The following GRIK3 variants were observed in gnomAD, a reference collection of about 807,000 sequenced individuals.
GRIK3 encodes glutamate ionotropic receptor kainate type subunit 3, also known as glutamate receptor ionotropic, kainate 3.
GRIK3 carries 29 observed loss-of-function variants against 102.5 expected under a neutral mutation model. That is an observed-to-expected ratio of 0.28 (90% CI 0.21 to 0.39). The LOEUF is 0.39. GRIK3 is among the 10% of genes least tolerant of loss of function. The pLI is 1.00. For synonymous variants in GRIK3, 511 were observed against 504.9 expected (o/e 1.01, Z -0.16); for missense variants, 908 against 1,252.4 (o/e 0.73, Z 4.15).
At chr1:37,006,206 C>G (rs1642531433) in intron 1 of GRIK3, among the ~76,000 whole-genome samples, 1 of 152,182 alleles carries the variant, frequency 6.6e-6, no homozygotes. Flanking sequence ...TTTTCAGAGC[C>G]ATGTATGAAT....
intron 1 of GRIK3, among the ~76,000 whole-genome samples, chr1:37,025,918 C>T (rs562308329): frequency 6.6e-5 from 10 of 152,320 alleles, no homozygotes; most frequent in African/African-American, 2.2e-4. Context: ...GATCTCACTC[C>T]ATTTCATCAT....
chr1:37,015,142 G>T (rs1642640976), intron 1 of GRIK3, among the ~76,000 whole-genome samples: 1 of 152,136 alleles, frequency 6.6e-6, no homozygotes, highest in Non-Finnish European at 1.5e-5. Context: ...TCTGGTTGGT[G>T]CAATGGGGAA....
At chr1:36,996,690 C>T (rs1642422763) in intron 1 of GRIK3, among the ~76,000 whole-genome samples, 1 of 152,234 alleles carries the variant, frequency 6.6e-6, no homozygotes, top group Non-Finnish European at 1.5e-5. Flanking sequence ...GCGCTTTCCT[C>T]ATTCCTGGTG....
intron 1 of GRIK3, among the ~76,000 whole-genome samples, chr1:37,007,941 G>A (rs572170295): frequency 6.6e-6 from 1 of 152,328 alleles, no homozygotes; most frequent in African/African-American, 2.4e-5. Flanking sequence ...CCTGTGCTGA[G>A]GGCTCGAGTG....
chr1:36,884,461 C>T (rs948364133), intron 2 of GRIK3, among the ~76,000 whole-genome samples: 8 of 152,156 alleles, frequency 5.3e-5, no homozygotes, highest in African/African-American at 1.9e-4. Context: ...CCCCGACAAC[C>T]TTGTCCCCTT....
intron 1 of GRIK3, among the ~76,000 whole-genome samples, chr1:36,902,389 A>G (rs947606799): frequency 6.6e-6 from 1 of 152,244 alleles, no homozygotes; most frequent in East Asian, 1.9e-4. Flanking sequence ...AGACAAATAG[A>G]TCATTGGAAC....
At chr1:36,812,972 G>A (rs558224623) in intron 13 of GRIK3, among the ~76,000 whole-genome samples, 6 of 152,298 alleles carry the variant, frequency 3.9e-5, no homozygotes, top group East Asian at 1.9e-4. Flanking sequence ...CACTCAACAC[G>A]TATTATTAGA....
In GRIK3 at chr1:36,872,156, G is replaced by C; in HGVS notation, c.732+32C>G. On this transcript the variant is annotated intron_variant, in intron 4 of 15. Coordinates refer to ENST00000373091, the MANE Select transcript of GRIK3 (RefSeq NM_000831.4). This position sits in a 1 kb window ranked among gnomAD's most constrained non-coding sequence, Gnocchi z 5.9. The stretch of plus-strand genomic sequence containing the variant: ...TGGGAGAAGTGGCCAGCAGACCCCA[G>C]TCATCTGTCCCGGTGGCCAGCACTC... The C allele has an allele frequency of 6.5e-7, 1 of 1,528,552 alleles. No homozygotes were observed. The highest frequency in any genetic ancestry group is 1.4e-5 in the African/African-American group (1 of 72,310). 94.7% of individuals were successfully genotyped at this position (1,528,552 alleles called of 1,614,324 possible). A position where few individuals can be genotyped will look rare whatever the true frequency, so the allele number is the denominator to read the frequency against.
At chr1:36,827,310 C>T (rs1642765928) in intron 10 of GRIK3, among the ~76,000 whole-genome samples, 1 of 152,130 alleles carries the variant, frequency 6.6e-6, no homozygotes, top group Non-Finnish European at 1.5e-5. Context: ...AGAGGCTGCC[C>T]CTGGGGCTTC....
chr1:36,983,185 A>G (rs1410348791), intron 1 of GRIK3, among the ~76,000 whole-genome samples: 1 of 152,112 alleles, frequency 6.6e-6, no homozygotes, highest in Non-Finnish European at 1.5e-5. Context: ...TGCCTGTGCT[A>G]CTGGAATCTC....
Position 36,869,801 on chromosome 1 carries a change from C to A in GRIK3, c.733G>T (p.Ala245Ser). ...TCAGTCATCATGCCCATGGCCATGG[C>A]CTGCAGAAAAGCAGAGTGTTAGTGA... ...HTMAAQILKQ[A>S]MAMGMMTEYY... is the part of the protein sequence containing the mutation. The change falls in exon 5 of 16, where the codon GCC (alanine) becomes TCC (serine). Residue 245 changes from alanine to serine, a missense_variant and splice_region_variant. By Grantham distance (99) the Ala-to-Ser change is moderately conservative. Around this residue, in one of 3 missense-constraint regions of GRIK3, gnomAD observed 585 missense variants for 824.9 expected, o/e 0.71. Transcript: ENST00000373091. 1 of 1,611,562 alleles carries A rather than the reference C, an allele frequency of 6.2e-7. No individual in the cohort carries two copies. Among genetic ancestry groups the A allele is most frequent in the Non-Finnish European group, 8.5e-7 (1 of 1,177,670 alleles).
intron 5 of GRIK3, among the ~76,000 whole-genome samples, chr1:36,864,154 C>CA (rs1300199597): frequency 6.6e-6 from 1 of 152,106 alleles, no homozygotes; most frequent in African/African-American, 2.4e-5. Context: ...TGACATGTAG[C>CA]AGGGGCTCAG....
intron 5 of GRIK3, among the ~76,000 whole-genome samples, chr1:36,862,352 C>T (rs1389996536): frequency 2.0e-5 from 3 of 152,034 alleles, no homozygotes; most frequent in South Asian, 2.1e-4. Flanking sequence ...ACTGATGCAT[C>T]GTTGATTGTC....
chr1:36,941,919 C>T (rs969285688), intron 1 of GRIK3, among the ~76,000 whole-genome samples: 4 of 152,146 alleles, frequency 2.6e-5, no homozygotes, highest in Non-Finnish European at 4.4e-5. Flanking sequence ...GTAGCCTATC[C>T]CCCCCTCACC....
chr1:36,933,217 A>G (rs1395738138), intron 1 of GRIK3, among the ~76,000 whole-genome samples: 1 of 152,112 alleles, frequency 6.6e-6, no homozygotes, highest in African/African-American at 2.4e-5. Flanking sequence ...CAGAGCCTTG[A>G]TTCTGTGCCC....
At chr1:36,929,478 T>G (rs2124312165) in intron 1 of GRIK3, among the ~76,000 whole-genome samples, 1 of 152,324 alleles carries the variant, frequency 6.6e-6, no homozygotes, top group African/African-American at 2.4e-5. Flanking sequence ...AGAACAGTAA[T>G]TCCCAAACCA....
Position 36,850,032 on chromosome 1 carries a change from C to G in GRIK3, c.1326+279G>C. ...TCAGGTTGCAATGGGCTGTCAAACC[C>G]CCTTAATTCCACCATCCAGCATGGT... On this transcript the variant is annotated intron_variant, in intron 9 of 15. Transcript: ENST00000373091. This position sits in a 1 kb window ranked among gnomAD's most constrained non-coding sequence, Gnocchi z 4.0. 2.7e-6 allele frequency: 1 copy of G among 367,602 alleles called. No homozygotes were observed. The highest frequency in any genetic ancestry group is 5.0e-6 in the Non-Finnish European group (1 of 201,006). 22.8% of individuals were successfully genotyped at this position (367,602 alleles called of 1,614,324 possible). A position where few individuals can be genotyped will look rare whatever the true frequency, so the allele number is the denominator to read the frequency against.
intron 1 of GRIK3, among the ~76,000 whole-genome samples, chr1:36,944,051 A>G (rs1186002478): frequency 6.6e-6 from 1 of 152,226 alleles, no homozygotes; most frequent in African/African-American, 2.4e-5. Flanking sequence ...AGGACATGGC[A>G]TCTCACACAG....
chr1:36,994,424 A>G (rs556008346), intron 1 of GRIK3, among the ~76,000 whole-genome samples: 1 of 152,364 alleles, frequency 6.6e-6, no homozygotes, highest in Admixed American at 6.5e-5. Context: ...ATTTAAGCTG[A>G]GTAACCTTAA....
Sources: allele counts gnomAD v4.1 joint callset (sites outside exome capture counted in the v4.1 genomes callset), GRCh38; gene constraint gnomAD v4.1.1; regional missense constraint gnomAD v4.1.1; non-coding constraint Gnocchi (gnomAD v3.1); transcripts MANE v1.5; gene names NCBI Gene and HGNC (gene_info 2026-07-23, HGNC 2026-07-21).